RABGAP1L: variants seen among roughly 807,000 people sequenced by gnomAD.
The protein encoded by RABGAP1L is rab GTPase-activating protein 1-like.
In RABGAP1L, 63 loss-of-function variants were observed where a neutral mutation model predicts 137.7. That is an observed-to-expected ratio of 0.46 (90% CI 0.37 to 0.56). The LOEUF (loss-of-function observed/expected upper bound fraction) is 0.56, where lower values mean the gene tolerates loss of function less well. Among genes scored for constraint, RABGAP1L ranks in the 20% least tolerant of loss-of-function variants. The probability of loss-of-function intolerance (pLI) is 0.00; values close to 1 mark genes in which losing one functional copy is unlikely to be tolerated. For missense variants in RABGAP1L, 1,095 were observed against 1,244.0 expected, an observed-to-expected ratio of 0.88 and a Z score of 1.80; for synonymous variants, 431 against 433.7, an observed-to-expected ratio of 0.99 and a Z score of 0.08.
At position 174,991,457 on chromosome 1, in the gene RABGAP1L, A is replaced by T. The variant is rs766712969; in HGVS notation, c.*1456A>T. 2.0e-4 allele frequency: 30 copies of T among 152,238 alleles called. No individual in the cohort carries two copies. The highest frequency in any genetic ancestry group is 3.5e-4 in the Non-Finnish European group (24 of 68,030). The allele number at this position is 152,238 out of a possible 1,614,324, so 9.4% of individuals were successfully genotyped here. A position where few individuals can be genotyped will look rare whatever the true frequency, so the allele number is the denominator to read the frequency against. On this transcript the variant is annotated 3_prime_UTR_variant, in exon 26 of 26. Coordinates refer to ENST00000681986, the MANE Select transcript of RABGAP1L (RefSeq NM_001366446.1). ...CAATTAAAAGTAACACACCCTTAGA[A>T]GAATCAAATAAGAGCCATCTACATC... is the stretch of plus-strand genomic sequence containing the variant.
chr1:174,690,973 A>G (rs1261304593), intron 15 of RABGAP1L, among the ~76,000 whole-genome samples: 2 of 151,906 alleles, frequency 1.3e-5, no homozygotes, highest in African/African-American at 4.8e-5. Context: ...CTGGGATTAC[A>G]GGCACATGCC....
chr1:174,221,483 A>C (rs554769244), intron 3 of RABGAP1L, among the ~76,000 whole-genome samples: 3 of 152,314 alleles, frequency 2.0e-5, no homozygotes, highest in Admixed American at 2.0e-4. Flanking sequence ...ATAGTCTTTC[A>C]TGTGATGTGC....
At chr1:174,501,573 G>A (rs1221568656) in intron 13 of RABGAP1L, among the ~76,000 whole-genome samples, 2 of 152,102 alleles carry the variant, frequency 1.3e-5, no homozygotes, top group African/African-American at 4.8e-5. Context: ...GGCATTTAAG[G>A]CATTGTGAGA....
chr1:174,957,856 C>T (rs751418523), intron 20 of RABGAP1L: 59 of 1,536,004 alleles, frequency 3.8e-5, no homozygotes, highest in Non-Finnish European at 5.0e-5. Flanking sequence ...CAGGAGACTC[C>T]CAAATAGCCA....
chr1:174,188,278 G>A (rs1156561305), intron 1 of RABGAP1L, among the ~76,000 whole-genome samples: 1 of 152,134 alleles, frequency 6.6e-6, no homozygotes, highest in African/African-American at 2.4e-5. Context: ...GTGCTGAAAT[G>A]ATCTTAGGAA....
chr1:174,900,892 A>C (rs1658030723), intron 19 of RABGAP1L, among the ~76,000 whole-genome samples: 1 of 151,980 alleles, frequency 6.6e-6, no homozygotes, highest in Admixed American at 6.6e-5. Flanking sequence ...GATGTTTTCC[A>C]ACCTGGTTAT....
intron 13 of RABGAP1L, among the ~76,000 whole-genome samples, chr1:174,404,442 T>C (rs1234612603): frequency 6.6e-6 from 1 of 152,190 alleles, no homozygotes; most frequent in Non-Finnish European, 1.5e-5. Flanking sequence ...GCCAGCTTCA[T>C]CTATTTATGC....
intron 19 of RABGAP1L, among the ~76,000 whole-genome samples, chr1:174,876,115 GT>G (rs1344460498): frequency 6.6e-6 from 1 of 152,062 alleles, no homozygotes; most frequent in African/African-American, 2.4e-5. Flanking sequence ...TCATGTTAAT[GT>G]AGATGAAAAA....
chr1:174,584,148 A>G (rs745838931), intron 13 of RABGAP1L, among the ~76,000 whole-genome samples: 9 of 152,196 alleles, frequency 5.9e-5, no homozygotes, highest in Admixed American at 5.9e-4. Flanking sequence ...GCCTTTATGC[A>G]TTCTCACTGC....
intron 7 of RABGAP1L, among the ~76,000 whole-genome samples, chr1:174,269,290 A>C (rs1386661954): frequency 1.3e-5 from 2 of 152,248 alleles, no homozygotes; most frequent in Non-Finnish European, 2.9e-5. Flanking sequence ...GACGTAATGA[A>C]CATGAAAGCA....
At chr1:174,288,152 A>C (rs1219131684) in intron 10 of RABGAP1L, among the ~76,000 whole-genome samples, 1 of 152,172 alleles carries the variant, frequency 6.6e-6, no homozygotes, top group Admixed American at 6.5e-5. Flanking sequence ...TACAGCTTTT[A>C]ATATTGTGTG....
intron 11 of RABGAP1L, among the ~76,000 whole-genome samples, chr1:174,332,436 G>A (rs1490776578): frequency 6.6e-6 from 1 of 151,464 alleles, no homozygotes; most frequent in Non-Finnish European, 1.5e-5. Flanking sequence ...TCACTGTGTT[G>A]CCAAGGCTGG....
chr1:174,740,473 G>A (rs1683296631), intron 17 of RABGAP1L, among the ~76,000 whole-genome samples: 1 of 151,996 alleles, frequency 6.6e-6, no homozygotes. Context: ...ACAGCCTCTT[G>A]CTCAATTCAT....
chr1:174,644,542 GA>G lies in RABGAP1L; in HGVS notation c.1824+7064del, dbSNP rs1039473518. On this transcript the variant is annotated intron_variant, in intron 14 of 25. Coordinates refer to ENST00000681986, the MANE Select transcript of RABGAP1L (RefSeq NM_001366446.1). Reference sequence around the variant, plus strand: ...TAAGATTACTATCTAAAATACAAAAGAAAAAAAAAACTAACCTGCAAAGATG... The same window carrying G: ...TAAGATTACTATCTAAAATACAAAAGAAAAAAAAACTAACCTGCAAAGATG... 4.8e-5 allele frequency among the ~76,000 whole-genome samples: 7 copies of G among 145,562 alleles called. No homozygotes were observed. The South Asian group carries it at 1.1e-3, about 23-fold the overall frequency.
At chr1:174,844,016 T>C (rs1319065195) in intron 19 of RABGAP1L, among the ~76,000 whole-genome samples, 1 of 148,182 alleles carries the variant, frequency 6.7e-6, no homozygotes. Context: ...TTTGGCTGCA[T>C]AAATGTCTTC....
At chr1:174,759,181 A>T (rs1573057772) in intron 18 of RABGAP1L, among the ~76,000 whole-genome samples, 1 of 152,102 alleles carries the variant, frequency 6.6e-6, no homozygotes, top group Non-Finnish European at 1.5e-5. Context: ...TGGAACTTGC[A>T]TTCCAATGAG....
chr1:174,871,696 G>GAATT (rs2149055469), intron 19 of RABGAP1L, among the ~76,000 whole-genome samples: 1 of 152,290 alleles, frequency 6.6e-6, no homozygotes, highest in African/African-American at 2.4e-5. Context: ...CGAATATCAT[G>GAATT]TGAAATGATT....
chr1:174,575,922 G>T (rs1207952144), intron 13 of RABGAP1L, among the ~76,000 whole-genome samples: 1 of 152,204 alleles, frequency 6.6e-6, no homozygotes, highest in Non-Finnish European at 1.5e-5. Context: ...AGGTTAGTGA[G>T]GGATTTAGGG....
intron 19 of RABGAP1L, among the ~76,000 whole-genome samples, chr1:174,954,580 A>G (rs1354057597): frequency 6.6e-6 from 1 of 152,224 alleles, no homozygotes; most frequent in Non-Finnish European, 1.5e-5. Flanking sequence ...AGAATTCTCT[A>G]GGCACAAGCT....
Sources: gnomAD v4.1 joint callset for allele counts (sites outside exome capture counted in the v4.1 genomes callset) on GRCh38, gnomAD v4.1.1 for gene constraint, MANE v1.5 for transcripts, NCBI Gene and HGNC (gene_info 2026-07-23, HGNC 2026-07-21) for gene names.